Variants in CCDC146 observed in about 807,000 individuals in gnomAD.
CCDC146 encodes the protein coiled-coil domain containing 146.
CCDC146 carries 92 observed loss-of-function variants against 119.3 expected under a neutral mutation model. The ratio of observed to expected loss-of-function variants is 0.77; its 90% CI spans 0.65 to 0.92. The LOEUF is 0.92. Among genes scored for constraint, CCDC146 ranks in the 40% least tolerant of loss-of-function variants. CCDC146 has a pLI of 0.00. For missense variants in CCDC146, 1,000 were observed against 1,103.0 expected (o/e 0.91, Z 1.32); for synonymous variants, 372 against 371.8 (o/e 1.00, Z -0.01).
chr7:77,292,197 G>A (rs1288843009), intron 17 of CCDC146, among the ~76,000 whole-genome samples: 3 of 152,108 alleles, frequency 2.0e-5, no homozygotes, highest in African/African-American at 7.2e-5. Context: ...AGGAGGCTGA[G>A]GCAGGAGAAT....
chr7:77,225,096 AAT>A (rs1429445264), intron 2 of CCDC146, among the ~76,000 whole-genome samples: 1 of 152,230 alleles, frequency 6.6e-6, no homozygotes, highest in African/African-American at 2.4e-5. Flanking sequence ...AGATAATGAT[AAT>A]GATTATAATA....
intron 2 of CCDC146, chr7:77,198,364 A>G (rs1791915277): frequency 1.0e-6 from 1 of 967,730 alleles, no homozygotes; most frequent in Admixed American, 6.1e-5. Flanking sequence ...AGTATGAGAC[A>G]GTCAGCAACA....
chr7:77,237,045 A>G lies in CCDC146; in HGVS notation c.239+16A>G, dbSNP rs1792749736. ...CCGTGATGAGGTATGCAATTTACCA[A>G]TATGGAGACATGATTAATCACCTTT... On this transcript the variant is annotated intron_variant, in intron 3 of 18. Transcript: ENST00000285871. The G allele has an allele frequency of 2.5e-6, 4 of 1,595,926 alleles. No individual in the cohort carries two copies. The highest frequency in any genetic ancestry group is 1.3e-5 in the African/African-American group (1 of 74,576).
At chr7:77,186,487 C>T (rs988087459) in intron 2 of CCDC146, among the ~76,000 whole-genome samples, 1 of 151,664 alleles carries the variant, frequency 6.6e-6, no homozygotes, top group Non-Finnish European at 1.5e-5. Flanking sequence ...TTACAAGAGG[C>T]TGGAAAGGGT....
intron 9 of CCDC146, among the ~76,000 whole-genome samples, chr7:77,263,374 G>A (rs1011780635): frequency 6.6e-6 from 1 of 152,172 alleles, no homozygotes; most frequent in Non-Finnish European, 1.5e-5. Flanking sequence ...CTGTAAAATG[G>A]GAGCAGCCGG....
intron 1 of CCDC146, among the ~76,000 whole-genome samples, chr7:77,141,732 T>C (rs1790936124): frequency 1.3e-5 from 2 of 152,248 alleles, no homozygotes; most frequent in African/African-American, 4.8e-5. Flanking sequence ...GAGAAGTCTA[T>C]GTTTGTATCC....
intron 1 of CCDC146, among the ~76,000 whole-genome samples, chr7:77,158,314 A>ATACCTGATGGC: frequency 6.6e-6 from 1 of 152,292 alleles, no homozygotes; most frequent in South Asian, 2.1e-4. Context: ...TAGAATTACC[A>ATACCTGATGGC]TACCTGATGG....
intron 17 of CCDC146, among the ~76,000 whole-genome samples, chr7:77,290,647 A>G (rs931824019): frequency 1.3e-5 from 2 of 152,240 alleles, no homozygotes; most frequent in Non-Finnish European, 1.5e-5. Flanking sequence ...CTAGAAGTCA[A>G]ATAAAAATGG....
intron 2 of CCDC146, among the ~76,000 whole-genome samples, chr7:77,204,197 T>C (rs1362674064): frequency 6.6e-6 from 1 of 152,214 alleles, no homozygotes; most frequent in African/African-American, 2.4e-5. Context: ...AAAGAATATG[T>C]GCTTTTCTGA....
At chr7:77,244,108 A>G (rs769459055) in intron 4 of CCDC146, among the ~76,000 whole-genome samples, 1 of 152,126 alleles carries the variant, frequency 6.6e-6, no homozygotes, top group Non-Finnish European at 1.5e-5. Flanking sequence ...GAACTCCTGT[A>G]TGTCTTTGTT....
chr7:77,272,905 A>G (rs1169933859), intron 9 of CCDC146, among the ~76,000 whole-genome samples: 1 of 152,228 alleles, frequency 6.6e-6, no homozygotes, highest in Non-Finnish European at 1.5e-5. Flanking sequence ...CTTTTGTGTA[A>G]GAAATTTCCA....
intron 17 of CCDC146, 106 bp downstream of exon 17, chr7:77,287,683 T>C: frequency 1.6e-6 from 2 of 1,216,662 alleles, no homozygotes; most frequent in Non-Finnish European, 2.3e-6. Flanking sequence ...GAGATTAGGC[T>C]TTATGACTAG....
intron 9 of CCDC146, among the ~76,000 whole-genome samples, chr7:77,265,216 A>G (rs1793378015): frequency 6.6e-6 from 1 of 152,246 alleles, no homozygotes; most frequent in Non-Finnish European, 1.5e-5. Flanking sequence ...CATTCAAAGT[A>G]CTGACGGAAA....
intron 9 of CCDC146, among the ~76,000 whole-genome samples, chr7:77,264,491 T>G (rs1292094252): frequency 6.6e-6 from 1 of 152,192 alleles, no homozygotes; most frequent in Non-Finnish European, 1.5e-5. Context: ...ACTCCTGACC[T>G]CAAGTGATCC....
At position 77,271,533 on chromosome 7, in the gene CCDC146, T is replaced by C. The variant is rs1294979825; in HGVS notation, c.1174-2161T>C. On this transcript the variant is annotated intron_variant, in intron 9 of 18. Transcript: ENST00000285871. ...TAGGAGATATATATATATATATATA[T>C]ATATATATATATATATATATATATA... is the stretch of plus-strand genomic sequence containing the variant. Among the ~76,000 whole-genome samples the C allele has an allele frequency of 3.8e-4, 5 of 13,292 alleles. 1 individual carries two copies. Among genetic ancestry groups the C allele is most frequent in the African/African-American group, 8.3e-4 (3 of 3,634 alleles). 8.7% of individuals were successfully genotyped at this position (13,292 alleles called of 152,430 possible).
chr7:77,218,070 C>T (rs950340618), intron 2 of CCDC146, among the ~76,000 whole-genome samples: 1 of 152,020 alleles, frequency 6.6e-6, no homozygotes, highest in Non-Finnish European at 1.5e-5. Context: ...AACCACATGA[C>T]CAATGTGTTG....
At chr7:77,186,424 G>A (rs1021031669) in intron 2 of CCDC146, among the ~76,000 whole-genome samples, 2 of 151,952 alleles carry the variant, frequency 1.3e-5, no homozygotes, top group East Asian at 1.9e-4. Context: ...CTTATTTATG[G>A]GAGATAAAAA....
At chr7:77,228,121 CATT>C (rs1792551514) in intron 2 of CCDC146, among the ~76,000 whole-genome samples, 2 of 152,294 alleles carry the variant, frequency 1.3e-5, no homozygotes, top group South Asian at 4.1e-4. Flanking sequence ...TAGGAGTGCT[CATT>C]GTTGTTAATG....
At chr7:77,215,996 A>AC (rs141696413) in intron 2 of CCDC146, among the ~76,000 whole-genome samples, 1 of 151,004 alleles carries the variant, frequency 6.6e-6, no homozygotes, top group Admixed American at 6.6e-5. Flanking sequence ...TGTATCCCTA[A>AC]CCCCCCCACC....
Sources: gnomAD v4.1 joint callset for allele counts (sites outside exome capture counted in the v4.1 genomes callset) on GRCh38, gnomAD v4.1.1 for gene constraint, MANE v1.5 for transcripts, NCBI Gene and HGNC (gene_info 2026-07-23, HGNC 2026-07-21) for gene names.